The following NRXN1 variants were observed in gnomAD, a reference collection of about 807,000 sequenced individuals.
NRXN1 encodes neurexin-1.
In NRXN1, 39 loss-of-function variants were observed where a neutral mutation model predicts 150.9. That is an observed-to-expected ratio of 0.26 (90% CI 0.20 to 0.34). The LOEUF is 0.34. Among genes scored for constraint, NRXN1 ranks in the 10% least tolerant of loss-of-function variants. The pLI, the probability that NRXN1 is intolerant of heterozygous loss-of-function variation, is 1.00. For synonymous variants in NRXN1, 924 were observed against 757.0 expected (o/e 1.22, Z -3.62); for missense variants, 1,815 against 1,949.9 (o/e 0.93, Z 1.30).
intron 18 of NRXN1, among the ~76,000 whole-genome samples, chr2:50,157,844 G>C (rs1047129826): frequency 6.6e-6 from 1 of 151,906 alleles, no homozygotes; most frequent in Non-Finnish European, 1.5e-5. Flanking sequence ...TGTGTTGCTT[G>C]GTAGGATGAT....
chr2:50,323,152 CA>C (rs1440288420), intron 17 of NRXN1, among the ~76,000 whole-genome samples: 1 of 152,148 alleles, frequency 6.6e-6, no homozygotes. Context: ...TATGGTTGTT[CA>C]GAGTCTGTCA....
rs573237761 is a variant in NRXN1, at chr2:50,221,038, T to G, written c.3546+15751A>C. 3.3e-5 allele frequency among the ~76,000 whole-genome samples: 5 copies of G among 152,136 alleles called. No individual in the cohort carries two copies. In the South Asian group the frequency reaches 1.0e-3, roughly 32 times the overall value. ...CCATATTGCAGAGCATCCTTGAAGG[T>G]GCTCCTCTGTTTGTTTTGTATTGGA... On this transcript the variant is annotated intron_variant, in intron 18 of 22. Transcript: ENST00000401669.
intron 17 of NRXN1, among the ~76,000 whole-genome samples, chr2:50,337,460 A>G (rs374289575): frequency 1.3e-5 from 2 of 152,154 alleles, no homozygotes; most frequent in Non-Finnish European, 2.9e-5. Flanking sequence ...TGACTTAACT[A>G]TTTCTTAATT....
chr2:50,107,518 T>C, intron 18 of NRXN1, among the ~76,000 whole-genome samples: 1 of 104,286 alleles, frequency 9.6e-6, no homozygotes, highest in East Asian at 2.6e-4. Flanking sequence ...CATTCCAGAC[T>C]ACATATATAT....
chr2:50,531,803 AC>A (rs1467150378), intron 10 of NRXN1, among the ~76,000 whole-genome samples: 2 of 151,964 alleles, frequency 1.3e-5, no homozygotes, highest in Non-Finnish European at 2.9e-5. Context: ...AGTTTGAAAC[AC>A]CAGCGAAGTT....
At chr2:50,905,802 T>C (rs557323708) in intron 5 of NRXN1, among the ~76,000 whole-genome samples, 1 of 152,222 alleles carries the variant, frequency 6.6e-6, no homozygotes, top group East Asian at 1.9e-4. Context: ...ACAAAGGGCT[T>C]TGAATAGAAT....
chr2:50,383,014 T>C (rs2081077215), intron 17 of NRXN1, among the ~76,000 whole-genome samples: 2 of 152,320 alleles, frequency 1.3e-5, no homozygotes, highest in South Asian at 2.1e-4. Context: ...TTTAGAATTG[T>C]TCCCATCATC....
intron 17 of NRXN1, among the ~76,000 whole-genome samples, chr2:50,255,057 C>G (rs1312072746): frequency 2.0e-5 from 3 of 152,078 alleles, no homozygotes; most frequent in African/African-American, 7.2e-5. Context: ...ATCCACCCAC[C>G]TTGGCCTACG....
chr2:50,408,869 C>CTCTCTCTCTG (rs1419973297), intron 17 of NRXN1, among the ~76,000 whole-genome samples: 2 of 136,250 alleles, frequency 1.5e-5, no homozygotes, highest in Non-Finnish European at 3.1e-5. Flanking sequence ...CTCTCTCTCT[C>CTCTCTCTCTG]TCTCTCATAT....
At chr2:50,166,814 T>A (rs1054801785) in intron 18 of NRXN1, among the ~76,000 whole-genome samples, 6 of 151,958 alleles carry the variant, frequency 3.9e-5, no homozygotes, top group Non-Finnish European at 5.9e-5. Flanking sequence ...CTTATTAGAA[T>A]CTGAAAAAAA....
At position 50,531,423 on chromosome 2, in the gene NRXN1, C is replaced by T. The variant is rs200768648; in HGVS notation, c.2151G>A (p.Thr717=). Residue 717 remains threonine, a synonymous_variant, in exon 11 of 23, where the codon ACG becomes ACA. Transcript: ENST00000401669. ...YLGRSCEREA[T]VLSYDGSMFM... is the part of the protein sequence containing the mutation. The stretch of plus-strand genomic sequence containing the variant: ...ACATGCTCCCATCATAGCTCAAAAC[C>T]GTTGCCTCTAGAGATGGAAAATGAA... The T allele has an allele frequency of 1.1e-5, 18 of 1,609,934 alleles. No homozygotes were observed. Among genetic ancestry groups the T allele is most frequent in the South Asian group, 7.8e-5 (7 of 90,250 alleles).
intron 8 of NRXN1, among the ~76,000 whole-genome samples, chr2:50,575,077 G>A (rs1295190464): frequency 6.6e-6 from 1 of 152,186 alleles, no homozygotes; most frequent in Non-Finnish European, 1.5e-5. Context: ...TGCCAATGAG[G>A]TGTTTTAAAG....
intron 18 of NRXN1, among the ~76,000 whole-genome samples, chr2:50,126,749 T>C (rs888319909): frequency 2.6e-5 from 4 of 152,098 alleles, no homozygotes; most frequent in African/African-American, 7.2e-5. Flanking sequence ...AAACTATGCA[T>C]AGAAAAACCC....
chr2:50,190,512 A>T (rs555554848), intron 18 of NRXN1, among the ~76,000 whole-genome samples: 11 of 152,038 alleles, frequency 7.2e-5, no homozygotes, highest in African/African-American at 2.7e-4. Flanking sequence ...TAGCTTAATG[A>T]TCTTTAAAAT....
intron 17 of NRXN1, among the ~76,000 whole-genome samples, chr2:50,320,015 G>C (rs138250540): frequency 8.9e-4 from 135 of 151,780 alleles, no homozygotes; most frequent in African/African-American, 3.1e-3. Flanking sequence ...ACAGGTAAAG[G>C]ACAGTGTTAT....
chr2:50,027,202 C>G (rs972663639), intron 21 of NRXN1, among the ~76,000 whole-genome samples: 1 of 151,784 alleles, frequency 6.6e-6, no homozygotes, highest in African/African-American at 2.4e-5. Flanking sequence ...TTTTCATTGA[C>G]TCTCCCTGCC....
intron 5 of NRXN1, among the ~76,000 whole-genome samples, chr2:50,682,085 A>G (rs1453170977): frequency 6.6e-6 from 1 of 152,144 alleles, no homozygotes; most frequent in African/African-American, 2.4e-5. Context: ...ATTAAAGACA[A>G]GGCCCATTAA....
chr2:50,717,548 T>C (rs978328472), intron 5 of NRXN1, among the ~76,000 whole-genome samples: 2 of 152,228 alleles, frequency 1.3e-5, no homozygotes, highest in African/African-American at 2.4e-5. Context: ...TTAAAGTATT[T>C]TGATAAGATT....
In NRXN1 at chr2:50,347,409, T is replaced by C; in HGVS notation, c.3365-110439A>G. 8.6e-7 allele frequency: 1 copy of C among 1,168,874 alleles called. No individual in the cohort carries two copies. Among genetic ancestry groups the C allele is most frequent in the Non-Finnish European group, 1.1e-6 (1 of 930,976 alleles). 72.4% of individuals were successfully genotyped at this position (1,168,874 alleles called of 1,614,324 possible). On this transcript the variant is annotated intron_variant, in intron 17 of 22. Transcript: ENST00000401669. The surrounding 1 kb of genome is among the most constrained non-coding windows in gnomAD (Gnocchi z 4.9). Reference sequence around the variant, plus strand: ...TCCACTAGGTAAATCCATTTAGCTTTGTGTGCGGGGACTAGGGAGGCCACT... The same window carrying C: ...TCCACTAGGTAAATCCATTTAGCTTCGTGTGCGGGGACTAGGGAGGCCACT...
Sources: allele counts gnomAD v4.1 joint callset (sites outside exome capture counted in the v4.1 genomes callset), GRCh38; gene constraint gnomAD v4.1.1; non-coding constraint Gnocchi (gnomAD v3.1); transcripts MANE v1.5; gene names NCBI Gene and HGNC (gene_info 2026-07-23, HGNC 2026-07-21).